The following SPG7 variants were observed in gnomAD, a reference collection of about 807,000 sequenced individuals.
The protein encoded by SPG7 is mitochondrial inner membrane m-AAA protease component paraplegin.
In SPG7, 103 loss-of-function variants were observed where a neutral mutation model predicts 81.9. The ratio of observed to expected loss-of-function variants is 1.26; its 90% confidence interval spans 1.07 to 1.48. The LOEUF (loss-of-function observed/expected upper bound fraction) is 1.48, where lower values mean the gene tolerates loss of function less well. Among genes scored for constraint, SPG7 ranks in the 40% most tolerant of loss-of-function variants. SPG7 has a pLI of 0.00. For missense variants in SPG7, 1,241 were observed against 1,087.3 expected, an observed-to-expected ratio of 1.14 and a Z score of -1.99; for synonymous variants, 534 against 444.2, an observed-to-expected ratio of 1.20 and a Z score of -2.54.
intron 4 of SPG7, among the ~76,000 whole-genome samples, chr16:89,525,195 T>C (rs765624901): frequency 6.6e-6 from 1 of 152,168 alleles, no homozygotes; most frequent in African/African-American, 2.4e-5. Context: ...CTTGAACTCC[T>C]GGCCTCAAGT....
At chr16:89,511,834 T>G (rs1321967710) in intron 2 of SPG7, among the ~76,000 whole-genome samples, 2 of 152,190 alleles carry the variant, frequency 1.3e-5, no homozygotes, top group Admixed American at 6.5e-5. Flanking sequence ...CTCCTCCCAC[T>G]CAGCGTCCTG....
At chr16:89,515,817 C>T (rs1444399616) in intron 3 of SPG7, among the ~76,000 whole-genome samples, 1 of 151,634 alleles carries the variant, frequency 6.6e-6, no homozygotes, top group African/African-American at 2.4e-5. Context: ...AGGCGATTCT[C>T]CTGCCTCAGC....
chr16:89,545,806 G>A (rs537827779), intron 10 of SPG7: 21 of 382,516 alleles, frequency 5.5e-5, no homozygotes, highest in African/African-American at 2.5e-4. Context: ...TGTGTGTGAC[G>A]TGCTTCATTA....
intron 1 of SPG7, 70 bp downstream of exon 1, chr16:89,508,670 C>T (rs2057965731): frequency 2.2e-6 from 3 of 1,388,150 alleles, no homozygotes; most frequent in Non-Finnish European, 2.8e-6. Flanking sequence ...CCCGGCGGGG[C>T]GGGTCGGAGG....
At position 89,557,264 on chromosome 16, in the gene SPG7, C is replaced by G. The variant is rs1477682327; in HGVS notation, c.*171C>G. ...TGACCCTTTTCATGATTTTAAGTTT[C>G]TCTGCAGAAACTACTGACGGAGTCC... is the stretch of plus-strand genomic sequence containing the variant. On this transcript the variant is annotated 3_prime_UTR_variant, in exon 17 of 17. Coordinates refer to ENST00000645818, the MANE Select transcript of SPG7 (RefSeq NM_003119.4). 1.6e-5 allele frequency: 10 copies of G among 607,606 alleles called. No homozygotes were observed. The highest frequency in any genetic ancestry group is 2.6e-5 in the Non-Finnish European group (9 of 341,374). 37.6% of individuals were successfully genotyped at this position (607,606 alleles called of 1,614,324 possible).
Position 89,553,823 on chromosome 16 carries a change from C to A in SPG7, c.1966C>A (p.Arg656Ser). Reference sequence around the variant, plus strand: ...ACAGGACGACCTGAGGAAGGTCACCCGCATCGCCTACTCCATGGTGAAGCA... The same window carrying A: ...ACAGGACGACCTGAGGAAGGTCACCAGCATCGCCTACTCCATGGTGAAGCA... ...GAQDDLRKVTRIAYSMVKQFG... is the reference protein window; with the variant it reads ...GAQDDLRKVTSIAYSMVKQFG... The change falls in exon 15 of 17, where the codon CGC becomes AGC. Residue 656 changes from arginine to serine, a missense_variant. Physicochemically the swap from Arg to Ser is moderately radical, Grantham distance 110. Coordinates refer to ENST00000645818, the MANE Select transcript of SPG7 (RefSeq NM_003119.4). 6.2e-7 allele frequency: 1 copy of A among 1,613,546 alleles called. No individual in the cohort carries two copies. The highest frequency in any genetic ancestry group is 8.5e-7 in the Non-Finnish European group (1 of 1,180,028).
chr16:89,529,244 G>GGCATCT, intron 5 of SPG7: 1 of 581,620 alleles, frequency 1.7e-6, no homozygotes. Context: ...CTAGATCTCC[G>GGCATCT]GCATCTGCAC....
At position 89,520,500 on chromosome 16, in the gene SPG7, G is replaced by A. The variant is rs527692992; in HGVS notation, c.377-3506G>A. On this transcript the variant is annotated intron_variant, in intron 3 of 16. Coordinates refer to ENST00000645818, the MANE Select transcript of SPG7 (RefSeq NM_003119.4). ...CAACCTCCGCCCGCCATGTTTAAGC[G>A]ATTCTCCTGCGTTAGCCTCCCTAGT... 9.5e-5 allele frequency: 15 copies of A among 157,074 alleles called. No individual in the cohort carries two copies. In the South Asian group the frequency reaches 1.2e-3, roughly 12 times the overall value. The allele number at this position is 157,074 out of a possible 1,614,324, so 9.7% of individuals were successfully genotyped here. A position where few individuals can be genotyped will look rare whatever the true frequency, so the allele number is the denominator to read the frequency against.
At chr16:89,513,694 G>A (rs1017175364) in intron 3 of SPG7, among the ~76,000 whole-genome samples, 7 of 152,238 alleles carry the variant, frequency 4.6e-5, no homozygotes, top group Admixed American at 4.6e-4. Context: ...GGGGCAGAAG[G>A]GTTGAACTCA....
In SPG7 at chr16:89,550,500, C is replaced by A; in HGVS notation, c.1670C>A (p.Ala557Asp). The part of the protein sequence containing the change: ...YAVERVLAGT[A>D]KKSKILSKEE... ...TACCCCGGCATTCTTTCAGGGACTG[C>A]CAAAAAGAGCAAGATCCTGTCCAAG... The change falls in exon 13 of 17, where the codon GCC becomes GAC. Residue 557 changes from alanine (A) to aspartate (D), a missense_variant. Physicochemically the swap from Ala to Asp is moderately radical, Grantham distance 126. Transcript: ENST00000645818. 1 of 1,612,794 alleles carries A rather than the reference C, an allele frequency of 6.2e-7. No homozygotes were observed. The highest frequency in any genetic ancestry group is 8.5e-7 in the Non-Finnish European group (1 of 1,179,358).
At chr16:89,556,234 A>G (rs572555784) in intron 16 of SPG7, 1 of 399,586 alleles carries the variant, frequency 2.5e-6, no homozygotes, top group South Asian at 1.4e-4. Flanking sequence ...AGCCACAGGT[A>G]AATCACCCTA....
chr16:89,511,909 G>C (rs1389637653), intron 2 of SPG7, among the ~76,000 whole-genome samples: 1 of 109,256 alleles, frequency 9.2e-6, no homozygotes, highest in Non-Finnish European at 2.0e-5. Flanking sequence ...TGTTGTTGTT[G>C]TTGTTTATTA....
intron 9 of SPG7, among the ~76,000 whole-genome samples, chr16:89,535,169 C>A (rs2058395717): frequency 6.6e-6 from 1 of 152,158 alleles, no homozygotes; most frequent in Non-Finnish European, 1.5e-5. Context: ...CTGTGGTGTG[C>A]CTTGAGGTTT....
chr16:89,546,882 C>T (rs890949148), intron 11 of SPG7, 122 bp downstream of exon 11: 28 of 736,894 alleles, frequency 3.8e-5, no homozygotes, highest in Non-Finnish European at 6.4e-5. Flanking sequence ...GGGGCCTCTG[C>T]TCAGTACAAG....
chr16:89,553,375 T>C, intron 14 of SPG7: 1 of 568,662 alleles, frequency 1.8e-6, no homozygotes, highest in South Asian at 2.0e-5. Context: ...AATTGGTTAA[T>C]TGTTGGTAAT....
At chr16:89,550,470 A>G in intron 12 of SPG7, 24 bp from the exon 13 acceptor site, 2 of 1,572,124 alleles carry the variant, frequency 1.3e-6, no homozygotes, top group Non-Finnish European at 1.7e-6. Context: ...ACCGCGCCCA[A>G]CTCATACCCC....
At chr16:89,530,547 G>A (rs1019297646) in intron 6 of SPG7, 136 bp from the exon 7 acceptor site, 11 of 943,044 alleles carry the variant, frequency 1.2e-5, no homozygotes, top group Admixed American at 1.7e-5. Flanking sequence ...TCGTCAGCCT[G>A]ACATGAGTGA....
At chr16:89,543,649 C>CTTTTTTTTTT (rs749210071) in intron 9 of SPG7, 1 of 65,268 alleles carries the variant, frequency 1.5e-5, no homozygotes. Context: ...CCAGTGGATT[C>CTTTTTTTTTT]TTTTTTTTTT....
Position 89,556,946 on chromosome 16 carries a change from T to C in SPG7, c.2241T>C (p.Ile747=). 5 of 1,614,042 alleles carry C rather than the reference T, an allele frequency of 3.1e-6. No individual in the cohort carries two copies. The highest frequency in any genetic ancestry group is 4.2e-6 in the Non-Finnish European group (5 of 1,180,002). ...VINYEDIEAL[I]GPPPHGPKKM... ...ACTATGAGGACATTGAGGCTCTCAT[T>C]GGCCCGCCGCCCCATGGGCCGAAGA... Residue 747 remains isoleucine (I), a synonymous_variant, in exon 17 of 17, where the codon ATT becomes ATC. Transcript: ENST00000645818.
Sources: allele counts gnomAD v4.1 joint callset (sites outside exome capture counted in the v4.1 genomes callset), GRCh38; gene constraint gnomAD v4.1.1; transcripts MANE v1.5; gene names NCBI Gene and HGNC (gene_info 2026-07-23, HGNC 2026-07-21).